TNFAIP8L3: variants seen among roughly 807,000 people sequenced by gnomAD.
TNFAIP8L3 encodes the protein TNF alpha induced protein 8 like 3.
In TNFAIP8L3, 7 loss-of-function variants were observed where a neutral mutation model predicts 11.8. The ratio of observed to expected loss-of-function variants is 0.59; its 90% confidence interval spans 0.34 to 1.11. The LOEUF (loss-of-function observed/expected upper bound fraction) is 1.11. TNFAIP8L3 is among the 50% of genes most tolerant of loss of function. The probability of loss-of-function intolerance (pLI) is 0.03; values close to 1 mark genes in which losing one functional copy is unlikely to be tolerated. For missense variants in TNFAIP8L3, 219 were observed against 258.6 expected (o/e 0.85, Z 1.05); for synonymous variants, 98 against 103.8 (o/e 0.94, Z 0.34).
At chr15:51,067,298 A>C (rs1479691873) in intron 1 of TNFAIP8L3, among the ~76,000 whole-genome samples, 1 of 152,142 alleles carries the variant, frequency 6.6e-6, no homozygotes, top group African/African-American at 2.4e-5. Context: ...AACCCTCCAG[A>C]GGAGCCACCT....
At chr15:51,090,846 G>T (rs1317100920) in intron 1 of TNFAIP8L3, among the ~76,000 whole-genome samples, 3 of 152,146 alleles carry the variant, frequency 2.0e-5, no homozygotes, top group Non-Finnish European at 2.9e-5. Context: ...CCATCAGCTT[G>T]ATTGCCCTGG....
chr15:51,077,192 T>C (rs540121824), intron 1 of TNFAIP8L3, among the ~76,000 whole-genome samples: 2 of 152,336 alleles, frequency 1.3e-5, no homozygotes, highest in East Asian at 3.9e-4. Flanking sequence ...GTCCTTGGCC[T>C]GTGCTCGCCA....
In TNFAIP8L3 at chr15:51,094,434, G is replaced by A. The variant is rs533410212; in HGVS notation, c.52+110C>T. 1 of 1,234,378 alleles carries A rather than the reference G, an allele frequency of 8.1e-7. No individual in the cohort carries two copies. Among genetic ancestry groups the A allele is most frequent in the South Asian group, 1.9e-5 (1 of 53,508 alleles). The allele number at this position is 1,234,378 out of a possible 1,614,324, so 76.5% of individuals were successfully genotyped here. On this transcript the variant is annotated intron_variant, in intron 1 of 1. Coordinates refer to ENST00000637513, the MANE Select transcript of TNFAIP8L3 (RefSeq NM_001311175.2). This position sits in a 1 kb window ranked among gnomAD's most constrained non-coding sequence, Gnocchi z 4.4. ...ACGACGCGGAGCAATCCCCAGTCTT[G>A]GCCTGGAAGGGGTCGGGCTGCTGAG... is the stretch of plus-strand genomic sequence containing the variant.
chr15:51,081,492 C>T (rs1387066578), intron 1 of TNFAIP8L3, among the ~76,000 whole-genome samples: 3 of 152,158 alleles, frequency 2.0e-5, no homozygotes, highest in African/African-American at 7.2e-5. Context: ...CCCCATGACT[C>T]CCTGAACCAC....
At chr15:51,095,316 T>C (rs2065506604), upstream of TNFAIP8L3, among the ~76,000 whole-genome samples, 4 of 151,672 alleles carry the variant, frequency 2.6e-5, no homozygotes, top group Admixed American at 2.6e-4. Flanking sequence ...TGGACTGTTG[T>C]GGAAAGTAGT....
exon 1 of TNFAIP8L3, chr15:51,105,234 G>T: frequency 6.3e-7 from 1 of 1,575,674 alleles, no homozygotes; most frequent in South Asian, 1.2e-5. Flanking sequence ...GACTCTTTAG[G>T]AGGTCTGGTC....
chr15:51,075,581 C>T (rs1477570473), intron 1 of TNFAIP8L3, among the ~76,000 whole-genome samples: 2 of 152,196 alleles, frequency 1.3e-5, no homozygotes, highest in Non-Finnish European at 2.9e-5. Flanking sequence ...AACTCAGGCT[C>T]AGAACACCAG....
chr15:51,060,453 C>T (rs1409632769), intron 1 of TNFAIP8L3, among the ~76,000 whole-genome samples: 1 of 152,166 alleles, frequency 6.6e-6, no homozygotes, highest in African/African-American at 2.4e-5. Flanking sequence ...TGAGTCATGG[C>T]TTTGTAGTCA....
chr15:51,075,250 G>A (rs1034007606), intron 1 of TNFAIP8L3, among the ~76,000 whole-genome samples: 3 of 152,018 alleles, frequency 2.0e-5, no homozygotes, highest in African/African-American at 4.8e-5. Context: ...CCTTTCATAC[G>A]GAGCTATCTG....
chr15:51,092,363 T>C (rs573506329), intron 1 of TNFAIP8L3, among the ~76,000 whole-genome samples: 1 of 152,394 alleles, frequency 6.6e-6, no homozygotes, highest in Admixed American at 6.5e-5. Flanking sequence ...AACACACCTG[T>C]TATCTAACCT....
At chr15:51,077,374 C>G (rs943695923) in intron 1 of TNFAIP8L3, among the ~76,000 whole-genome samples, 1 of 152,236 alleles carries the variant, frequency 6.6e-6, no homozygotes, top group Non-Finnish European at 1.5e-5. Context: ...AAGGCCAGCC[C>G]TTCCCGCTGG....
At chr15:51,086,186 T>C (rs1301881750) in intron 1 of TNFAIP8L3, among the ~76,000 whole-genome samples, 1 of 152,204 alleles carries the variant, frequency 6.6e-6, no homozygotes, top group East Asian at 1.9e-4. Flanking sequence ...GACTTTGGTA[T>C]CTCTCTTAAC....
intron 1 of TNFAIP8L3, among the ~76,000 whole-genome samples, chr15:51,067,802 C>T (rs775996766): frequency 1.1e-4 from 17 of 152,050 alleles, no homozygotes; most frequent in Non-Finnish European, 2.2e-4. Context: ...GAAACAAAAC[C>T]GAGGACTGAA....
rs2065212541 is a variant in TNFAIP8L3, at chr15:51,057,337, T to C, written c.*544A>G. 6.6e-6 allele frequency: 1 copy of C among 152,404 alleles called. No individual in the cohort carries two copies. Among genetic ancestry groups the C allele is most frequent in the Non-Finnish European group, 1.5e-5 (1 of 68,182 alleles). 9.4% of individuals were successfully genotyped at this position (152,404 alleles called of 1,614,324 possible). ...AAACCCAGTCCATTAGATTCTATTG[T>C]TCTTTTCTCCTATGCTGCTTAATAG... is the stretch of plus-strand genomic sequence containing the variant. On this transcript the variant is annotated 3_prime_UTR_variant, in exon 2 of 2. Coordinates refer to ENST00000637513, the MANE Select transcript of TNFAIP8L3 (RefSeq NM_001311175.2).
At chr15:51,076,597 T>G (rs561600087) in intron 1 of TNFAIP8L3, among the ~76,000 whole-genome samples, 5 of 152,338 alleles carry the variant, frequency 3.3e-5, no homozygotes, top group African/African-American at 1.2e-4. Context: ...TGAGAATGGC[T>G]GTCCTGCACA....
chr15:51,096,613 C>T (rs570472668), upstream of TNFAIP8L3, among the ~76,000 whole-genome samples: 6 of 152,076 alleles, frequency 3.9e-5, no homozygotes, highest in Non-Finnish European at 5.9e-5. Context: ...AAGTGGGGGC[C>T]GGGCACGGTG....
chr15:51,091,134 A>G (rs2065466160), intron 1 of TNFAIP8L3, among the ~76,000 whole-genome samples: 1 of 152,170 alleles, frequency 6.6e-6, no homozygotes, highest in African/African-American at 2.4e-5. Context: ...AGATCCATAA[A>G]ATGACAGAAA....
intron 1 of TNFAIP8L3, among the ~76,000 whole-genome samples, chr15:51,071,960 C>T (rs2065311681): frequency 6.6e-6 from 1 of 152,126 alleles, no homozygotes; most frequent in Non-Finnish European, 1.5e-5. Flanking sequence ...TAAGGTTTTT[C>T]TCTTCTGCAA....
chr15:51,083,675 T>C (rs74013131), intron 1 of TNFAIP8L3, among the ~76,000 whole-genome samples: 4 of 152,352 alleles, frequency 2.6e-5, no homozygotes, highest in African/African-American at 9.6e-5. Flanking sequence ...GCTCTGACCC[T>C]GTTCATGGCA....
Sources: allele counts gnomAD v4.1 joint callset (sites outside exome capture counted in the v4.1 genomes callset), GRCh38; gene constraint gnomAD v4.1.1; non-coding constraint Gnocchi (gnomAD v3.1); transcripts MANE v1.5; gene names NCBI Gene and HGNC (gene_info 2026-07-23, HGNC 2026-07-21).